The following ROBO1 variants were observed in gnomAD, a reference collection of about 807,000 sequenced individuals.
ROBO1 encodes the protein roundabout guidance receptor 1, also known as roundabout homolog 1.
In ROBO1, 149 loss-of-function variants were observed where a neutral mutation model predicts 195.9. The observed-to-expected ratio is 0.76, with a 90% CI of 0.67 to 0.87. The LOEUF (loss-of-function observed/expected upper bound fraction) is 0.87. ROBO1 is among the 40% of genes least tolerant of loss of function. ROBO1 has a pLI of 0.00. For synonymous variants in ROBO1, 816 were observed against 733.2 expected, an observed-to-expected ratio of 1.11 and a Z score of -1.82; for missense variants, 1,933 against 2,068.3, an observed-to-expected ratio of 0.93 and a Z score of 1.27.
intron 2 of ROBO1, among the ~76,000 whole-genome samples, chr3:79,397,261 T>C (rs1319976109): frequency 1.3e-5 from 2 of 151,104 alleles, no homozygotes; most frequent in Non-Finnish European, 3.0e-5. Flanking sequence ...AATAATCATA[T>C]ATATATATGC....
intron 2 of ROBO1, among the ~76,000 whole-genome samples, chr3:79,245,497 C>T (rs564648941): frequency 6.6e-6 from 1 of 152,104 alleles, no homozygotes; most frequent in East Asian, 1.9e-4. Context: ...GGTTAAGCAA[C>T]CAGCTGGCTA....
intron 5 of ROBO1, among the ~76,000 whole-genome samples, chr3:78,740,886 G>T (rs550527668): frequency 1.3e-5 from 2 of 152,130 alleles, no homozygotes; most frequent in East Asian, 1.9e-4. Context: ...ACTATGAACA[G>T]ATATTGAAAA....
intron 2 of ROBO1, among the ~76,000 whole-genome samples, chr3:79,273,867 AC>A (rs2030789191): frequency 6.6e-6 from 1 of 152,002 alleles, no homozygotes; most frequent in African/African-American, 2.4e-5. Flanking sequence ...GATTTAAAAA[AC>A]TATAATGCTA....
chr3:79,580,283 C>G (rs1454158958), intron 2 of ROBO1, among the ~76,000 whole-genome samples: 1 of 151,872 alleles, frequency 6.6e-6, no homozygotes, highest in Non-Finnish European at 1.5e-5. Flanking sequence ...TCCAGCCTGA[C>G]AAACGTGGTG....
chr3:79,543,844 C>A (rs371954157), intron 2 of ROBO1, among the ~76,000 whole-genome samples: 3 of 152,062 alleles, frequency 2.0e-5, no homozygotes, highest in Admixed American at 2.0e-4. Flanking sequence ...ATGCAAGGTA[C>A]TTATGTGTAT....
intron 2 of ROBO1, among the ~76,000 whole-genome samples, chr3:79,165,099 G>A (rs1323994529): frequency 6.6e-6 from 1 of 152,074 alleles, no homozygotes; most frequent in Non-Finnish European, 1.5e-5. Flanking sequence ...GCGCCATAAG[G>A]TCAGGAATTC....
At chr3:79,330,273 G>GTGTATA (rs139785657) in intron 2 of ROBO1, among the ~76,000 whole-genome samples, 31 of 137,858 alleles carry the variant, frequency 2.2e-4, no homozygotes, top group African/African-American at 8.2e-4. Flanking sequence ...GTATATATAT[G>GTGTATA]TATATATATA....
chr3:78,688,505 T>C (rs911894133), intron 9 of ROBO1, 143 bp downstream of exon 9: 3 of 844,502 alleles, frequency 3.6e-6, no homozygotes, highest in Admixed American at 3.7e-5. Flanking sequence ...TTCTCATTGC[T>C]AAAATGTTCT....
At chr3:79,168,832 A>G (rs2081116910) in intron 2 of ROBO1, among the ~76,000 whole-genome samples, 1 of 152,170 alleles carries the variant, frequency 6.6e-6, no homozygotes, top group African/African-American at 2.4e-5. Flanking sequence ...CATCACTATT[A>G]TTTATACAAA....
chr3:78,706,562 G>A (rs887750381), intron 8 of ROBO1, among the ~76,000 whole-genome samples: 1 of 151,812 alleles, frequency 6.6e-6, no homozygotes, highest in Non-Finnish European at 1.5e-5. Context: ...GGCTGGTCTC[G>A]AACTCCTGGG....
chr3:78,884,699 GGAAGGAAAGAAA>G (rs1324547106), intron 4 of ROBO1, among the ~76,000 whole-genome samples: 15 of 116,554 alleles, frequency 1.3e-4, no homozygotes, highest in African/African-American at 4.6e-4. Flanking sequence ...AAGGAAGGAA[GGAAGGAAAGAAA>G]GAAGGAAAGG....
chr3:78,681,955 T>G (rs1352887346), intron 10 of ROBO1, among the ~76,000 whole-genome samples: 1 of 152,116 alleles, frequency 6.6e-6, no homozygotes, highest in Non-Finnish European at 1.5e-5. Flanking sequence ...AACACAGTAT[T>G]CAGAGCTGAA....
intron 2 of ROBO1, among the ~76,000 whole-genome samples, chr3:79,535,433 C>G (rs1188609547): frequency 6.6e-6 from 1 of 152,108 alleles, no homozygotes; most frequent in East Asian, 1.9e-4. Flanking sequence ...AAGTGTGGTA[C>G]ATTTTCCTCT....
intron 2 of ROBO1, among the ~76,000 whole-genome samples, chr3:79,246,524 T>C (rs975462620): frequency 6.6e-6 from 1 of 152,108 alleles, no homozygotes; most frequent in African/African-American, 2.4e-5. Flanking sequence ...TTTCTACTAA[T>C]GACCTCTACA....
At chr3:78,982,331 T>C (rs977944952) in intron 3 of ROBO1, among the ~76,000 whole-genome samples, 1 of 152,218 alleles carries the variant, frequency 6.6e-6, no homozygotes, top group Non-Finnish European at 1.5e-5. Flanking sequence ...TTAATACCTT[T>C]GTAAGCCTTT....
intron 1 of ROBO1, among the ~76,000 whole-genome samples, chr3:79,671,089 A>T (rs1946618982): frequency 6.6e-6 from 1 of 151,882 alleles, no homozygotes. Flanking sequence ...TGGAATTAAA[A>T]TAGTCAACAT....
intron 8 of ROBO1, among the ~76,000 whole-genome samples, chr3:78,694,984 C>CA (rs908454577): frequency 8.9e-4 from 134 of 151,212 alleles, no homozygotes; most frequent in African/African-American, 2.5e-3. Context: ...ATATTAAAAA[C>CA]AAAAAAAACT....
intron 4 of ROBO1, among the ~76,000 whole-genome samples, chr3:78,782,280 T>C (rs2083700605): frequency 6.6e-6 from 1 of 152,182 alleles, no homozygotes; most frequent in South Asian, 2.1e-4. Flanking sequence ...CTCTGTAACC[T>C]GTGCCTCCTA....
At position 78,598,838 on chromosome 3, in the gene ROBO1, C is replaced by T. The variant is rs534590561; in HGVS notation, c.*75G>A. 23 of 916,262 alleles carry T rather than the reference C, an allele frequency of 2.5e-5. No homozygotes were observed. The highest frequency in any genetic ancestry group is 3.5e-5 in the South Asian group (2 of 57,784). The allele number at this position is 916,262 out of a possible 1,614,324, so 56.8% of individuals were successfully genotyped here. A position where few individuals can be genotyped will look rare whatever the true frequency, so the allele number is the denominator to read the frequency against. On this transcript the variant is annotated 3_prime_UTR_variant, in exon 31 of 31. Transcript: ENST00000464233. ...TGATTGCACTGAACATTTTATCTGG[C>T]GTCATGTGTCATCTGACAGGAGGCA...
Sources: gnomAD v4.1 joint callset for allele counts (sites outside exome capture counted in the v4.1 genomes callset) on GRCh38, gnomAD v4.1.1 for gene constraint, MANE v1.5 for transcripts, NCBI Gene and HGNC (gene_info 2026-07-23, HGNC 2026-07-21) for gene names.